The following NUP58 variants were observed in gnomAD, a reference collection of about 807,000 sequenced individuals.
NUP58 encodes nucleoporin 58, also known as nucleoporin p58/p45.
In NUP58, 17 loss-of-function variants were observed where a neutral mutation model predicts 70.1. That is an observed-to-expected ratio of 0.24 (90% CI 0.17 to 0.36). The LOEUF (loss-of-function observed/expected upper bound fraction) is 0.36, where lower values mean the gene tolerates loss of function less well. Among genes scored for constraint, NUP58 ranks in the 10% least tolerant of loss-of-function variants. NUP58 has a pLI of 1.00. For synonymous variants in NUP58, 275 were observed against 257.6 expected (o/e 1.07, Z -0.65); for missense variants, 644 against 701.5 (o/e 0.92, Z 0.93).
chr13:25,348,469 G>T (rs764268641), intron 3 of NUP58, among the ~76,000 whole-genome samples: 1 of 152,054 alleles, frequency 6.6e-6, no homozygotes, highest in African/African-American at 2.4e-5. Context: ...AGATAGGAGG[G>T]TCTTGTTACA....
At chr13:25,307,102 A>C (rs2030402579) in intron 1 of NUP58, among the ~76,000 whole-genome samples, 1 of 151,856 alleles carries the variant, frequency 6.6e-6, no homozygotes, top group Non-Finnish European at 1.5e-5. Flanking sequence ...AAAATATGCT[A>C]GGTTTCAAAC....
Position 25,330,061 on chromosome 13 carries a change from C to T in NUP58, c.1234-1296C>T, listed in dbSNP as rs544840279. Among the ~76,000 whole-genome samples the T allele has an allele frequency of 2.0e-5, 3 of 152,270 alleles. No individual in the cohort carries two copies. The South Asian group carries it at 6.2e-4, about 32-fold the overall frequency. On this transcript the variant is annotated intron_variant, in intron 12 of 15. Coordinates refer to ENST00000381736, the MANE Select transcript of NUP58 (RefSeq NM_014089.4). Reference sequence around the variant, plus strand: ...CCAGGCTGATCTTAACTCCTGGCCTCAAGGAGTCCTCCTGCCTAGACCTCC... The same window carrying T: ...CCAGGCTGATCTTAACTCCTGGCCTTAAGGAGTCCTCCTGCCTAGACCTCC...
rs148702462 is a variant in NUP58, at chr13:25,331,615, C to T, written c.1435+57C>T. ...TGTTCCAATGCAGAACATTTATGTG[C>T]GTTTTTATAAGTCTTCCATTTGTGT... On this transcript the variant is annotated intron_variant, in intron 13 of 15. Transcript: ENST00000381736. 19 of 1,561,670 alleles carry T rather than the reference C, an allele frequency of 1.2e-5. No homozygotes were observed. The East Asian group carries it at 3.3e-4, about 27-fold the overall frequency.
At chr13:25,304,775 C>T (rs1045998039) in intron 1 of NUP58, among the ~76,000 whole-genome samples, 6 of 151,864 alleles carry the variant, frequency 4.0e-5, no homozygotes, top group Non-Finnish European at 7.4e-5. Flanking sequence ...GGTGATCCAT[C>T]CACCTTGGCA....
In NUP58 at chr13:25,331,394, T is replaced by C; in HGVS notation, c.1271T>C (p.Phe424Ser). ...KEQYLGYRKM[F>S]LGDAVDVFET... ...CAGTACCTTGGCTACAGGAAAATGT[T>C]CTTGGGAGATGCTGTTGATGTGTTT... The change falls in exon 13 of 16, where the codon TTC becomes TCC. Residue 424 changes from phenylalanine (F) to serine (S), a missense_variant. By Grantham distance (155) the Phe-to-Ser change is radical. This residue lies in a region of NUP58 where 78 missense variants were observed against 71.3 expected (regional missense o/e 1.09). Transcript: ENST00000381736. 1 of 1,614,148 alleles carries C rather than the reference T, an allele frequency of 6.2e-7. No homozygotes were observed. Among genetic ancestry groups the C allele is most frequent in the Non-Finnish European group, 8.5e-7 (1 of 1,179,996 alleles).
chr13:25,331,536 ACAG>A lies in NUP58; in HGVS notation c.1419_1421del (p.Gln475del). 1 of 1,613,974 alleles carries A rather than the reference ACAG, an allele frequency of 6.2e-7. No homozygotes were observed. Among genetic ancestry groups the A allele is most frequent in the Non-Finnish European group, 8.5e-7 (1 of 1,179,960 alleles). ...CCGTTGCCATGGCTGCAACACTTAC[ACAG>A]CAGCAACAGCCTGCTACAGGTCTGA... is the stretch of plus-strand genomic sequence containing the variant. On this transcript the variant is annotated inframe_deletion, in exon 13 of 16. Coordinates refer to ENST00000381736, the MANE Select transcript of NUP58 (RefSeq NM_014089.4).
chr13:25,347,642 A>T (rs1292129854), intron 3 of NUP58, among the ~76,000 whole-genome samples: 3 of 152,196 alleles, frequency 2.0e-5, no homozygotes, highest in South Asian at 2.1e-4. Flanking sequence ...AGATGTTTTT[A>T]AAAATTGCCC....
At chr13:25,337,118 A>G (rs2031814647) in intron 14 of NUP58, 84 bp downstream of exon 14, 2 of 778,148 alleles carry the variant, frequency 2.6e-6, no homozygotes, top group African/African-American at 1.8e-5. Flanking sequence ...TTCTAAGAGA[A>G]TCTCCTGCTA....
In NUP58 at chr13:25,301,875, G is replaced by C. The variant is rs373951421; in HGVS notation, c.102G>C (p.Ala34=). 3.2e-5 allele frequency: 51 copies of C among 1,609,132 alleles called. 1 individual carries two copies. In the African/African-American group the frequency reaches 6.3e-4, roughly 20 times the overall value. Residue 34 remains alanine, a synonymous_variant, in exon 1 of 16, where the codon GCG becomes GCC. Coordinates refer to ENST00000381736, the MANE Select transcript of NUP58 (RefSeq NM_014089.4). ...GCGTTTTCTCCTTCGGAACGGGAGC[G>C]TCTAGGTAACCGCACTTTCTCGCCT... The part of the protein sequence containing the change: ...TGGVFSFGTG[A]SSNPSVGLNF...
intron 1 of NUP58, chr13:25,303,026 C>T (rs1241128531): frequency 8.8e-6 from 4 of 456,220 alleles, no homozygotes; most frequent in Admixed American, 4.7e-5. Flanking sequence ...GAGTCTTGCT[C>T]TCTTGATCCT....
chr13:25,340,327 G>A lies in NUP58; in HGVS notation c.*193G>A. On this transcript the variant is annotated 3_prime_UTR_variant, in exon 16 of 16. Coordinates refer to ENST00000381736, the MANE Select transcript of NUP58 (RefSeq NM_014089.4). ...TTTTTCTTGTGGAATTTAAAGTCCAGCTGTGTTTTCTTTTTAATTTGATTC... is the reference window on the plus strand; with the variant it reads ...TTTTTCTTGTGGAATTTAAAGTCCAACTGTGTTTTCTTTTTAATTTGATTC... The A allele has an allele frequency of 2.0e-6, 1 of 496,000 alleles. No individual in the cohort carries two copies. Among genetic ancestry groups the A allele is most frequent in the Non-Finnish European group, 3.4e-6 (1 of 296,816 alleles). The allele number at this position is 496,000 out of a possible 1,614,324, so 30.7% of individuals were successfully genotyped here.
At chr13:25,332,412 A>G in intron 13 of NUP58, 1 of 985,150 alleles carries the variant, frequency 1.0e-6, no homozygotes. Flanking sequence ...ACATGGAAAA[A>G]TAGTCTTAAT....
downstream of NUP58, among the ~76,000 whole-genome samples, chr13:25,346,652 G>A (rs529271094): frequency 2.4e-4 from 37 of 151,704 alleles, no homozygotes; most frequent in African/African-American, 8.5e-4. Context: ...CCCAGGAGGC[G>A]GAGGTTGCAG....
intron 4 of NUP58, among the ~76,000 whole-genome samples, 166 bp from the exon 5 acceptor site, chr13:25,313,448 A>C (rs925796116): frequency 3.3e-5 from 5 of 152,228 alleles, no homozygotes; most frequent in African/African-American, 1.2e-4. Context: ...TTTGCTTTGA[A>C]GCTGCTATTT....
chr13:25,340,074 A>G lies in NUP58; in HGVS notation c.1740A>G (p.Thr580=). 1 of 1,613,962 alleles carries G rather than the reference A, an allele frequency of 6.2e-7. No homozygotes were observed. Among genetic ancestry groups the G allele is most frequent in the Non-Finnish European group, 8.5e-7 (1 of 1,179,942 alleles). Residue 580 remains threonine, a synonymous_variant, in exon 16 of 16, where the codon ACA becomes ACG. Coordinates refer to ENST00000381736, the MANE Select transcript of NUP58 (RefSeq NM_014089.4). ...ATCCTGCCTCTGCAGGTTTTGGAAC[A>G]GGAGGACAACTCCTTCAGTTGAAGA... ...VSNPASAGFG[T]GGQLLQLKKP...
At position 25,325,171 on chromosome 13, in the gene NUP58, G is replaced by C. The variant is rs188844130; in HGVS notation, c.1031+103G>C. ...TATTTTTAGTATACTATGTGGAAAGGCTGAGCCAATAAGCACTTTACATGG... is the reference window on the plus strand; with the variant it reads ...TATTTTTAGTATACTATGTGGAAAGCCTGAGCCAATAAGCACTTTACATGG... On this transcript the variant is annotated intron_variant, in intron 10 of 15. Coordinates refer to ENST00000381736, the MANE Select transcript of NUP58 (RefSeq NM_014089.4). 4.9e-4 allele frequency: 396 copies of C among 809,270 alleles called. No individual in the cohort carries two copies. The African/African-American group carries it at 6.4e-3, about 13-fold the overall frequency. 50.1% of individuals were successfully genotyped at this position (809,270 alleles called of 1,614,324 possible).
intron 1 of NUP58, 61 bp from the exon 2 acceptor site, chr13:25,307,745 G>T: frequency 6.6e-7 from 1 of 1,510,426 alleles, no homozygotes; most frequent in Non-Finnish European, 9.1e-7. Context: ...GTAAATATTG[G>T]CTCTAGTAGA....
At chr13:25,336,581 C>A (rs2031792970) in intron 13 of NUP58, among the ~76,000 whole-genome samples, 1 of 151,886 alleles carries the variant, frequency 6.6e-6, no homozygotes, top group Admixed American at 6.6e-5. Flanking sequence ...GTGAGGAGAT[C>A]TAAAATAATT....
At chr13:25,325,108 T>G (rs1264942762) in intron 10 of NUP58, 40 bp downstream of exon 10, 2 of 1,398,920 alleles carry the variant, frequency 1.4e-6, no homozygotes, top group Non-Finnish European at 2.0e-6. Flanking sequence ...TTTCTCACTT[T>G]CAGAAAGCAG....
Sources: gnomAD v4.1 joint callset for allele counts (sites outside exome capture counted in the v4.1 genomes callset) on GRCh38, gnomAD v4.1.1 for gene constraint, gnomAD v4.1.1 regional missense constraint, MANE v1.5 for transcripts, NCBI Gene and HGNC (gene_info 2026-07-23, HGNC 2026-07-21) for gene names.